The following NTM variants were observed in gnomAD, a reference collection of about 807,000 sequenced individuals.
NTM encodes neurotrimin.
Under a neutral mutation model 42.1 loss-of-function variants are expected in NTM, and 13 were observed. The ratio of observed to expected loss-of-function variants is 0.31; its 90% CI spans 0.20 to 0.49. NTM has a LOEUF of 0.49. Ranked by LOEUF, NTM falls within the 20% of genes least tolerant of loss-of-function variation. NTM has a pLI of 0.99. For missense variants in NTM, 373 were observed against 452.8 expected (o/e 0.82, Z 1.60); for synonymous variants, 187 against 179.2 (o/e 1.04, Z -0.35).
intron 2 of NTM, among the ~76,000 whole-genome samples, chr11:132,036,725 T>C (rs1163144651): frequency 6.6e-6 from 1 of 152,176 alleles, no homozygotes; most frequent in Non-Finnish European, 1.5e-5. Flanking sequence ...GAATATTCCC[T>C]CATATTTGCT....
chr11:131,513,315 C>T lies in NTM; in HGVS notation c.82+142427C>T, dbSNP rs368192623. Among the ~76,000 whole-genome samples, 76 of 152,218 alleles carry T rather than the reference C, an allele frequency of 5.0e-4. No homozygotes were observed. In the South Asian group the frequency reaches 0.015, roughly 31 times the overall value. ...GTTTGGAGGAGACATTGTGTCAAGC[C>T]CTCAGAGTAGGAGTTACAGGCTCTG... is the stretch of plus-strand genomic sequence containing the variant. On this transcript the variant is annotated intron_variant, in intron 1 of 8. Coordinates refer to ENST00000683400, the MANE Select transcript of NTM (RefSeq NM_001352005.2).
chr11:131,517,741 T>A (rs144920815), intron 1 of NTM, among the ~76,000 whole-genome samples: 44 of 152,344 alleles, frequency 2.9e-4, no homozygotes, highest in African/African-American at 8.9e-4. Context: ...TGTACCTGTA[T>A]TGACCTGCCT....
At chr11:132,140,829 AG>A (rs2068947287) in intron 2 of NTM, among the ~76,000 whole-genome samples, 1 of 151,994 alleles carries the variant, frequency 6.6e-6, no homozygotes, top group African/African-American at 2.4e-5. Context: ...GCTTGAGGGG[AG>A]GGGCAGGGCA....
At chr11:132,022,546 A>G (rs1226445823) in intron 2 of NTM, among the ~76,000 whole-genome samples, 2 of 151,746 alleles carry the variant, frequency 1.3e-5, no homozygotes, top group African/African-American at 4.8e-5. Context: ...CTTGTGCTCA[A>G]CTAAGAGCCC....
chr11:131,732,557 T>A (rs574319543), intron 1 of NTM, among the ~76,000 whole-genome samples: 2 of 152,336 alleles, frequency 1.3e-5, no homozygotes, highest in East Asian at 3.9e-4. Flanking sequence ...TTACCAATTG[T>A]TATTTTGATG....
intron 4 of NTM, among the ~76,000 whole-genome samples, chr11:132,230,866 AT>A (rs2087408605): frequency 1.3e-5 from 2 of 152,104 alleles, no homozygotes; most frequent in Admixed American, 1.3e-4. Context: ...CTACAAAAAA[AT>A]TTTTTAATCA....
chr11:131,866,515 A>G (rs1005002255), intron 1 of NTM, among the ~76,000 whole-genome samples: 1 of 152,246 alleles, frequency 6.6e-6, no homozygotes, highest in African/African-American at 2.4e-5. Context: ...TCCCAAAGGA[A>G]TGAGTATGCA....
At chr11:131,585,221 G>T (rs2058746689) in intron 1 of NTM, among the ~76,000 whole-genome samples, 1 of 152,190 alleles carries the variant, frequency 6.6e-6, no homozygotes, top group Admixed American at 6.5e-5. Context: ...TTGGATTCCG[G>T]AGGGGTTTTT....
chr11:131,814,421 C>T (rs976797126), intron 1 of NTM, among the ~76,000 whole-genome samples: 9 of 152,128 alleles, frequency 5.9e-5, no homozygotes, highest in Non-Finnish European at 8.8e-5. Flanking sequence ...ATTGTGTGTC[C>T]ACACAAATGG....
chr11:131,991,984 A>G (rs2067108988), intron 2 of NTM, among the ~76,000 whole-genome samples: 1 of 152,164 alleles, frequency 6.6e-6, no homozygotes, highest in Non-Finnish European at 1.5e-5. Context: ...ATATATGGAA[A>G]CCTACTCAAT....
intron 7 of NTM, among the ~76,000 whole-genome samples, chr11:132,318,565 T>C (rs2095488508): frequency 6.6e-6 from 1 of 152,150 alleles, no homozygotes; most frequent in South Asian, 2.1e-4. Flanking sequence ...CTTCCAATTT[T>C]CTCACTAGCC....
intron 3 of NTM, among the ~76,000 whole-genome samples, chr11:132,161,370 CTTTTTTT>C (rs55732584): frequency 7.8e-5 from 5 of 64,062 alleles, no homozygotes; most frequent in Admixed American, 1.9e-4. Flanking sequence ...TTTCGAGCAG[CTTTTTTT>C]TTTTTTTTTT....
At chr11:132,154,554 G>T (rs1591861777) in intron 3 of NTM, among the ~76,000 whole-genome samples, 1 of 152,158 alleles carries the variant, frequency 6.6e-6, no homozygotes, top group Non-Finnish European at 1.5e-5. Context: ...GCAAATAGAG[G>T]GTGTGGTACT....
At chr11:132,113,837 G>C (rs2063540829) in intron 2 of NTM, among the ~76,000 whole-genome samples, 1 of 152,152 alleles carries the variant, frequency 6.6e-6, no homozygotes, top group East Asian at 1.9e-4. Flanking sequence ...AGAGACAAAG[G>C]GCTGGCTGGG....
At chr11:132,267,344 C>T (rs1048227330) in intron 4 of NTM, among the ~76,000 whole-genome samples, 3 of 152,140 alleles carry the variant, frequency 2.0e-5, no homozygotes, top group Non-Finnish European at 2.9e-5. Context: ...TAAATATATA[C>T]ATTCCTCACT....
chr11:132,039,521 C>T (rs1389982892), intron 2 of NTM, among the ~76,000 whole-genome samples: 2 of 150,920 alleles, frequency 1.3e-5, no homozygotes, highest in Admixed American at 6.7e-5. Flanking sequence ...AATCTGTTTC[C>T]TGTCTGGATT....
intron 1 of NTM, among the ~76,000 whole-genome samples, chr11:131,598,105 C>T (rs1160569327): frequency 6.6e-6 from 1 of 152,180 alleles, no homozygotes; most frequent in African/African-American, 2.4e-5. Context: ...TCAGACCCTG[C>T]CCTTTCCAGG....
chr11:132,282,434 G>T (rs1214828819), intron 4 of NTM, among the ~76,000 whole-genome samples: 2 of 152,106 alleles, frequency 1.3e-5, no homozygotes, highest in Non-Finnish European at 2.9e-5. Flanking sequence ...ATTTTTTATT[G>T]TGATGTATAA....
intron 4 of NTM, chr11:132,306,203 A>T (rs569964993): frequency 6.5e-4 from 99 of 152,304 alleles, no homozygotes; most frequent in African/African-American, 2.3e-3. Flanking sequence ...GGTTATCTTG[A>T]CAAAACAGTG....
Sources: gnomAD v4.1 joint callset for allele counts (sites outside exome capture counted in the v4.1 genomes callset) on GRCh38, gnomAD v4.1.1 for gene constraint, MANE v1.5 for transcripts, NCBI Gene and HGNC (gene_info 2026-07-23, HGNC 2026-07-21) for gene names.